Variants in SEC31A observed in about 807,000 individuals in gnomAD.
SEC31A encodes protein transport protein Sec31A.
SEC31A carries 70 observed loss-of-function variants against 151.0 expected under a neutral mutation model. The ratio of observed to expected loss-of-function variants is 0.46; its 90% CI spans 0.38 to 0.57. The LOEUF is 0.57. Ranked by LOEUF, SEC31A falls within the 20% of genes least tolerant of loss-of-function variation. The pLI is 0.00. For synonymous variants in SEC31A, 475 were observed against 505.9 expected (o/e 0.94, Z 0.82); for missense variants, 1,330 against 1,471.2 (o/e 0.90, Z 1.57).
At chr4:82,824,060 T>C (rs1724010900) in intron 25 of SEC31A, among the ~76,000 whole-genome samples, 5 of 152,208 alleles carry the variant, frequency 3.3e-5, no homozygotes, top group Admixed American at 3.3e-4. Flanking sequence ...TACATTTATA[T>C]ATAAAAAGCA....
In SEC31A at chr4:82,898,864, C is replaced by T. The variant is rs568536619; in HGVS notation, c.-2+849G>A. On this transcript the variant is annotated intron_variant, in intron 3 of 28. Coordinates refer to the SEC31A transcript ENST00000355196. ...CAGTTATCTTATGACTCACCAATTC[C>T]ACTCTTAGGTGTGTAATCAGGAAAA... Among the ~76,000 whole-genome samples the T allele has an allele frequency of 1.5e-4, 23 of 152,270 alleles. No individual in the cohort carries two copies. In the South Asian group the frequency reaches 4.3e-3, roughly 29 times the overall value.
intron 4 of SEC31A, chr4:82,877,413 G>A (rs1738217994): frequency 6.8e-6 from 1 of 147,542 alleles, no homozygotes. Context: ...GGGTCTCTAT[G>A]TGTCACCCAG....
At chr4:82,887,854 C>A (rs187184701) in intron 1 of SEC31A, among the ~76,000 whole-genome samples, 3 of 148,672 alleles carry the variant, frequency 2.0e-5, no homozygotes, top group African/African-American at 7.5e-5. Flanking sequence ...GTCAGGAGAT[C>A]GAGACCACGG....
chr4:82,894,521 C>T (rs1391837001), upstream of SEC31A: 1 of 152,210 alleles, frequency 6.6e-6, no homozygotes, highest in Non-Finnish European at 1.5e-5. Context: ...GCTGTTGTTT[C>T]TGCTGTTAAT....
chr4:82,861,636 C>T lies in SEC31A; in HGVS notation c.1621G>A (p.Gly541Arg). ...TATGAAAAAAAAATAAGTACCTCTCCCAAGAGCTGCTCTTCAGCAGCAGGG... is the reference window on the plus strand; with the variant it reads ...TATGAAAAAAAAATAAGTACCTCTCTCAAGAGCTGCTCTTCAGCAGCAGGG... ...ESPAAEEQLLGEHIKEEKEES... is the reference protein window; with the variant it reads ...ESPAAEEQLLREHIKEEKEES... The change falls in exon 14 of 27, where the codon GGA becomes AGA. Residue 541 changes from glycine to arginine, a missense_variant. Coordinates refer to ENST00000395310, the MANE Select transcript of SEC31A (RefSeq NM_001077207.4). 6.2e-7 allele frequency: 1 copy of T among 1,604,486 alleles called. No individual in the cohort carries two copies. Among genetic ancestry groups the T allele is most frequent in the Admixed American group, 1.7e-5 (1 of 59,662 alleles).
intron 22 of SEC31A, among the ~76,000 whole-genome samples, chr4:82,838,748 G>T (rs1344278279): frequency 6.6e-6 from 1 of 152,124 alleles, no homozygotes; most frequent in Non-Finnish European, 1.5e-5. Flanking sequence ...CTCTGTCTGG[G>T]ATAATTCTGA....
chr4:82,851,805 G>A (rs1466463058), intron 18 of SEC31A, among the ~76,000 whole-genome samples: 1 of 152,298 alleles, frequency 6.6e-6, no homozygotes, highest in East Asian at 1.9e-4. Flanking sequence ...TATGGATAGG[G>A]TAGGATAGGA....
In SEC31A at chr4:82,866,088, AAAG is replaced by A. The variant is rs1735314023; in HGVS notation, c.1197+717_1197+719del. On this transcript the variant is annotated intron_variant, in intron 10 of 26. Coordinates refer to ENST00000395310, the MANE Select transcript of SEC31A (RefSeq NM_001077207.4). ...GCAAAAAGAAAAGAAAAAAAGAAGA[AAAG>A]AAAAGAAAAAGAAGGGAGGGAGGGA... is the stretch of plus-strand genomic sequence containing the variant. Among the ~76,000 whole-genome samples the A allele has an allele frequency of 5.3e-5, 8 of 152,098 alleles. No homozygotes were observed. In the South Asian group the frequency reaches 1.5e-3, roughly 28 times the overall value.
intron 20 of SEC31A, among the ~76,000 whole-genome samples, chr4:82,846,600 A>G (rs1186169048): frequency 1.3e-5 from 2 of 152,080 alleles, no homozygotes; most frequent in Admixed American, 1.3e-4. Flanking sequence ...GATGACAAGA[A>G]GGAAGACTAC....
intron 23 of SEC31A, among the ~76,000 whole-genome samples, chr4:82,828,487 A>G (rs190532032): frequency 7.2e-5 from 11 of 152,106 alleles, no homozygotes; most frequent in African/African-American, 2.7e-4. Flanking sequence ...AATTTTTTTA[A>G]AAGTAAAAAT....
chr4:82,874,828 C>T, intron 5 of SEC31A, 77 bp from the exon 6 acceptor site: 1 of 1,523,484 alleles, frequency 6.6e-7, no homozygotes, highest in Non-Finnish European at 8.8e-7. Context: ...TTGGATCCTT[C>T]ATTTTGAAAA....
At chr4:82,871,357 A>ACTT in intron 7 of SEC31A, 1 of 1,521,492 alleles carries the variant, frequency 6.6e-7, no homozygotes, top group Non-Finnish European at 8.8e-7. Flanking sequence ...AGGTACAGTA[A>ACTT]AATGTTTTAC....
chr4:82,890,791 C>CCAG (rs1719539226), intron 1 of SEC31A: 2 of 1,279,002 alleles, frequency 1.6e-6, no homozygotes, highest in African/African-American at 3.1e-5. Context: ...TAATCTCAAA[C>CCAG]TCCAGTTACC....
intron 19 of SEC31A, among the ~76,000 whole-genome samples, chr4:82,849,744 T>C (rs1289301211): frequency 6.9e-6 from 1 of 144,264 alleles, no homozygotes; most frequent in African/African-American, 2.5e-5. Context: ...AAATAAAGAT[T>C]AAGATGTGAA....
chr4:82,883,061 A>G (rs745571045), intron 1 of SEC31A, among the ~76,000 whole-genome samples: 6 of 152,218 alleles, frequency 3.9e-5, no homozygotes, highest in African/African-American at 1.4e-4. Flanking sequence ...TGAAGGTTAC[A>G]TTGAGCCGAG....
chr4:82,821,468 A>C (rs1578093791), intron 25 of SEC31A: 1 of 165,160 alleles, frequency 6.1e-6, no homozygotes, highest in East Asian at 1.9e-4. Flanking sequence ...GAATTGCTTG[A>C]ACCCAGGAGG....
chr4:82,888,449 T>A (rs1394458934), intron 1 of SEC31A, among the ~76,000 whole-genome samples: 1 of 113,842 alleles, frequency 8.8e-6, no homozygotes, highest in African/African-American at 3.7e-5. Context: ...CCCAGCACTT[T>A]GGAAGGCCGA....
At chr4:82,849,301 A>T (rs2149331574) in intron 19 of SEC31A, among the ~76,000 whole-genome samples, 1 of 152,218 alleles carries the variant, frequency 6.6e-6, no homozygotes, top group South Asian at 2.1e-4. Context: ...AATGCTCATA[A>T]ATTACAAAAC....
chr4:82,856,965 C>T lies in SEC31A; in HGVS notation c.1868G>A (p.Ser623Asn). 1 of 1,605,768 alleles carries T rather than the reference C, an allele frequency of 6.2e-7. No homozygotes were observed. The highest frequency in any genetic ancestry group is 8.5e-7 in the Non-Finnish European group (1 of 1,177,776). Reference sequence around the variant, plus strand: ...AAAATAACATACCCTGGTAATTTTGCTTTGGGATTTTGCGAAGTATTTTTT... The same window carrying T: ...AAAATAACATACCCTGGTAATTTTGTTTTGGGATTTTGCGAAGTATTTTTT... ...TQKKYFAKSQ[S>N]KITRLITAVV... Residue 623 changes from serine to asparagine, a missense_variant, in exon 16 of 27, where the codon AGC becomes AAC. Transcript: ENST00000395310.
Sources: gnomAD v4.1 joint callset for allele counts (sites outside exome capture counted in the v4.1 genomes callset) on GRCh38, gnomAD v4.1.1 for gene constraint, MANE v1.5 for transcripts, NCBI Gene and HGNC (gene_info 2026-07-23, HGNC 2026-07-21) for gene names.